Variants in ZBTB2 observed in about 807,000 individuals in gnomAD.
ZBTB2 encodes zinc finger and BTB domain-containing protein 2.
Under a neutral mutation model 39.5 loss-of-function variants are expected in ZBTB2, and 2 were observed. The observed-to-expected ratio is 0.05, with a 90% CI of 0.02 to 0.16. The LOEUF is 0.16. ZBTB2 is among the 10% of genes least tolerant of loss of function. The pLI is 1.00. For missense variants in ZBTB2, 391 were observed against 653.0 expected (o/e 0.60, Z 4.37); for synonymous variants, 251 against 256.6 (o/e 0.98, Z 0.21).
At chr6:151,379,613 G>A (rs1778986799) in intron 1 of ZBTB2, among the ~76,000 whole-genome samples, 1 of 138,466 alleles carries the variant, frequency 7.2e-6, no homozygotes, top group Non-Finnish European at 1.5e-5. Flanking sequence ...ACTCTAGCCT[G>A]GGAAACAGAG....
chr6:151,368,764 CT>C (rs976494250), intron 2 of ZBTB2, among the ~76,000 whole-genome samples: 78 of 135,740 alleles, frequency 5.7e-4, no homozygotes, highest in South Asian at 4.7e-4. Context: ...ATTTTTCTTT[CT>C]TTTTTTTTTT....
chr6:151,380,338 G>T (rs1779005417), intron 1 of ZBTB2, among the ~76,000 whole-genome samples: 1 of 152,218 alleles, frequency 6.6e-6, no homozygotes, highest in African/African-American at 2.4e-5. Flanking sequence ...AAAGGGTGGA[G>T]AAGGTACTAT....
intron 1 of ZBTB2, among the ~76,000 whole-genome samples, chr6:151,383,976 C>T (rs561420689): frequency 2.0e-5 from 3 of 151,968 alleles, no homozygotes; most frequent in African/African-American, 7.3e-5. Flanking sequence ...GCAGATGCTC[C>T]GGGAGAAGAA....
intron 1 of ZBTB2, among the ~76,000 whole-genome samples, chr6:151,382,901 T>C (rs1779067829): frequency 1.3e-5 from 2 of 152,040 alleles, no homozygotes; most frequent in Non-Finnish European, 2.9e-5. Flanking sequence ...CATAAAATGT[T>C]ACTTTAATAC....
rs1255653025 is a variant in ZBTB2, at chr6:151,383,171, C to T, written c.-13+8249G>A. On this transcript the variant is annotated intron_variant, in intron 1 of 2. Transcript: ENST00000325144. ...TCCTGACTTCGTGATCCACCCGCCT[C>T]GGCCTCCCAAAGTGCTGGGATTACA... Among the ~76,000 whole-genome samples, 5 of 152,140 alleles carry T rather than the reference C, an allele frequency of 3.3e-5. No individual in the cohort carries two copies. In the East Asian group the frequency reaches 5.8e-4, roughly 18 times the overall value.
chr6:151,382,390 G>A (rs1779054009), intron 1 of ZBTB2, among the ~76,000 whole-genome samples: 1 of 151,672 alleles, frequency 6.6e-6, no homozygotes, highest in African/African-American at 2.4e-5. Context: ...AGAGTAGCTG[G>A]GATTACAGGA....
intron 1 of ZBTB2, among the ~76,000 whole-genome samples, chr6:151,377,519 C>T (rs1027148557): frequency 4.1e-5 from 6 of 147,234 alleles, no homozygotes; most frequent in African/African-American, 1.3e-4. Context: ...CAGGTGCCCG[C>T]GACCATGTCT....
At chr6:151,384,741 T>C (rs1052925289) in intron 1 of ZBTB2, among the ~76,000 whole-genome samples, 1 of 152,210 alleles carries the variant, frequency 6.6e-6, no homozygotes, top group Non-Finnish European at 1.5e-5. Flanking sequence ...AGAGTATATG[T>C]TGGTTACACT....
intron 2 of ZBTB2, among the ~76,000 whole-genome samples, chr6:151,371,344 G>C (rs1778785083): frequency 6.6e-6 from 1 of 152,132 alleles, no homozygotes; most frequent in Admixed American, 6.5e-5. Flanking sequence ...AACAACATAG[G>C]GGAAAGGTGC....
intron 1 of ZBTB2, 106 bp from the exon 2 acceptor site, chr6:151,373,755 A>T (rs1778835203): frequency 9.5e-7 from 1 of 1,051,110 alleles, no homozygotes; most frequent in Admixed American, 2.6e-5. Context: ...ATCATAGCTA[A>T]CGTGTCAGGC....
At chr6:151,379,691 T>C (rs1314218947) in intron 1 of ZBTB2, among the ~76,000 whole-genome samples, 1 of 147,706 alleles carries the variant, frequency 6.8e-6, no homozygotes, top group Non-Finnish European at 1.5e-5. Flanking sequence ...ACTCTTTGTA[T>C]ATAAGGAAAA....
intron 1 of ZBTB2, among the ~76,000 whole-genome samples, chr6:151,377,276 GATGTTTCC>G (rs796874786): frequency 1.3e-5 from 2 of 152,108 alleles, no homozygotes; most frequent in African/African-American, 4.8e-5. Context: ...TAGTTTGCAA[GATGTTTCC>G]ATTAGGGGAA....
rs1368728799 is a variant in ZBTB2, at chr6:151,365,290, G to A, written c.*231C>T. The A allele has an allele frequency of 4.1e-6, 2 of 483,854 alleles. No homozygotes were observed. Among genetic ancestry groups the A allele is most frequent in the African/African-American group, 1.9e-5 (1 of 51,652 alleles). 30.0% of individuals were successfully genotyped at this position (483,854 alleles called of 1,614,324 possible). A position where few individuals can be genotyped will look rare whatever the true frequency, so the allele number is the denominator to read the frequency against. On this transcript the variant is annotated 3_prime_UTR_variant, in exon 3 of 3. Coordinates refer to ENST00000325144, the MANE Select transcript of ZBTB2 (RefSeq NM_020861.3). This position sits in a 1 kb window ranked among gnomAD's most constrained non-coding sequence, Gnocchi z 5.6. The stretch of plus-strand genomic sequence containing the variant: ...AACCTCTCAAAATTTGAGTTTATAA[G>A]TATAATGACCATTATCTTTCCAATA...
intron 1 of ZBTB2, among the ~76,000 whole-genome samples, chr6:151,390,441 TGC>T (rs774767321): frequency 4.0e-5 from 6 of 148,324 alleles, no homozygotes; most frequent in East Asian, 2.1e-4. Context: ...CAGTCCCGCG[TGC>T]GCGCGCGCGC....
chr6:151,372,179 AG>A (rs1268931433), intron 2 of ZBTB2, among the ~76,000 whole-genome samples: 6 of 152,238 alleles, frequency 3.9e-5, no homozygotes, highest in African/African-American at 1.4e-4. Context: ...AGAGATATTC[AG>A]CTATAAAAAT....
chr6:151,364,121 TTTAA>T lies in ZBTB2; in HGVS notation c.*1396_*1399del, dbSNP rs1778586519. 1 of 152,236 alleles carries T rather than the reference TTTAA, an allele frequency of 6.6e-6. No homozygotes were observed. The highest frequency in any genetic ancestry group is 2.4e-5 in the African/African-American group (1 of 41,352). 9.4% of individuals were successfully genotyped at this position (152,236 alleles called of 1,614,324 possible). ...GAGATGACATGACATCATATACTCA[TTTAA>T]TTAAACGTTTATTCAATGAAAGGAT... is the stretch of plus-strand genomic sequence containing the variant. On this transcript the variant is annotated 3_prime_UTR_variant, in exon 3 of 3. Coordinates refer to ENST00000325144, the MANE Select transcript of ZBTB2 (RefSeq NM_020861.3).
At position 151,390,804 on chromosome 6, in the gene ZBTB2, C is replaced by T. The variant is rs1779280146; in HGVS notation, c.-13+616G>A. On this transcript the variant is annotated intron_variant, in intron 1 of 2. Transcript: ENST00000325144. Reference sequence around the variant, plus strand: ...CCCTCCCCCAAACCCACTTCCGCAGCTCGCGGCCTTGCCGCCGAAGCAGCA... The same window carrying T: ...CCCTCCCCCAAACCCACTTCCGCAGTTCGCGGCCTTGCCGCCGAAGCAGCA... Among the ~76,000 whole-genome samples the T allele has an allele frequency of 2.0e-5, 3 of 149,044 alleles. No homozygotes were observed. In the South Asian group the frequency reaches 6.4e-4, roughly 32 times the overall value.
In ZBTB2 at chr6:151,364,778, G is replaced by T. The variant is rs1483383571; in HGVS notation, c.*743C>A. ...AGAAACTCAAATACAGCATTTTGTT[G>T]TTGCTCAACTTGGAAAGAAGCCAGC... is the stretch of plus-strand genomic sequence containing the variant. On this transcript the variant is annotated 3_prime_UTR_variant, in exon 3 of 3. Coordinates refer to ENST00000325144, the MANE Select transcript of ZBTB2 (RefSeq NM_020861.3). 6.6e-6 allele frequency: 1 copy of T among 152,482 alleles called. No individual in the cohort carries two copies. Among genetic ancestry groups the T allele is most frequent in the Admixed American group, 6.6e-5 (1 of 15,266 alleles). The allele number at this position is 152,482 out of a possible 1,614,324, so 9.4% of individuals were successfully genotyped here.
chr6:151,373,861 A>C (rs1051046653), intron 1 of ZBTB2, among the ~76,000 whole-genome samples: 3 of 144,092 alleles, frequency 2.1e-5, no homozygotes, highest in Non-Finnish European at 3.0e-5. Context: ...AAAAAAAAAA[A>C]AAAAAAAAAA....
Sources: gnomAD v4.1 joint callset for allele counts (sites outside exome capture counted in the v4.1 genomes callset) on GRCh38, gnomAD v4.1.1 for gene constraint, Gnocchi (gnomAD v3.1) non-coding constraint, MANE v1.5 for transcripts, NCBI Gene and HGNC (gene_info 2026-07-23, HGNC 2026-07-21) for gene names.